The following ACSM4 variants were observed in gnomAD, a reference collection of about 807,000 sequenced individuals.
ACSM4 encodes acyl-CoA synthetase medium chain family member 4.
Under a neutral mutation model 73.0 loss-of-function variants are expected in ACSM4, and 66 were observed. The ratio of observed to expected loss-of-function variants is 0.90; its 90% CI spans 0.74 to 1.11. The LOEUF is 1.11. Among genes scored for constraint, ACSM4 ranks in the 50% least tolerant of loss-of-function variants. ACSM4 has a pLI of 0.00. For missense variants in ACSM4, 645 were observed against 714.4 expected (o/e 0.90, Z 1.11); for synonymous variants, 222 against 254.0 (o/e 0.87, Z 1.20).
intron 1 of ACSM4, among the ~76,000 whole-genome samples, chr12:7,305,574 C>CT (rs1946357283): frequency 6.6e-6 from 1 of 152,178 alleles, no homozygotes; most frequent in Non-Finnish European, 1.5e-5. Context: ...AGCTAAGCTA[C>CT]TTATCCAAGG....
At chr12:7,315,686 T>C (rs969077769) in intron 3 of ACSM4, among the ~76,000 whole-genome samples, 3 of 152,176 alleles carry the variant, frequency 2.0e-5, no homozygotes, top group Admixed American at 2.0e-4. Context: ...GTACCGGTTA[T>C]TCATCATTGA....
chr12:7,307,907 A>T (rs1424263312), intron 2 of ACSM4, among the ~76,000 whole-genome samples: 2 of 152,230 alleles, frequency 1.3e-5, no homozygotes, highest in Non-Finnish European at 2.9e-5. Context: ...TTTATAAGTC[A>T]ATTAAGAATA....
rs1327770439 is a variant in ACSM4 at position 7,304,364 on chromosome 12, A to AT, written c.35dup (p.Ile13HisfsTer25). 6 of 1,613,804 alleles carry AT rather than the reference A, an allele frequency of 3.7e-6. No individual in the cohort carries two copies. The highest frequency in any genetic ancestry group is 5.1e-6 in the Non-Finnish European group (6 of 1,179,846). ...TTTTTTTCCGCTACCAGACATTTAG[A>AT]TTCATCTGGCTCACCAAGCCACCTG... On this transcript the variant is annotated frameshift_variant, in exon 1 of 13. Transcript: ENST00000399422. LOFTEE classifies it high-confidence loss of function.
intron 7 of ACSM4, 102 bp downstream of exon 7, chr12:7,322,643 A>G (rs1244231257): frequency 5.6e-6 from 8 of 1,434,398 alleles, no homozygotes; most frequent in Non-Finnish European, 6.5e-6. Context: ...GTAAATTTTT[A>G]TAGAGTTTCC....
rs200480649 is a variant in ACSM4, at chr12:7,324,492, T to C, written c.1437-7T>C. 1 of 1,613,966 alleles carries C rather than the reference T, an allele frequency of 6.2e-7. No individual in the cohort carries two copies. The highest frequency in any genetic ancestry group is 1.3e-5 in the African/African-American group (1 of 75,052). ...TGTGGTGGTCAAAAACTTCTTTTCC[T>C]CTTCAGGTACCGTATTGGGCCATTT... On this transcript the variant is annotated splice_region_variant and splice_polypyrimidine_tract_variant and intron_variant, in intron 10 of 12. Coordinates refer to ENST00000399422, the MANE Select transcript of ACSM4 (RefSeq NM_001080454.2).
intron 2 of ACSM4, 148 bp downstream of exon 2, chr12:7,306,891 T>C: frequency 1.2e-6 from 1 of 804,608 alleles, no homozygotes; most frequent in Non-Finnish European, 1.9e-6. Flanking sequence ...CATGATATAA[T>C]AATAACAATA....
At chr12:7,319,419 G>A (rs773323835) in intron 5 of ACSM4, among the ~76,000 whole-genome samples, 4 of 151,816 alleles carry the variant, frequency 2.6e-5, no homozygotes, top group Non-Finnish European at 4.4e-5. Flanking sequence ...GTGAAACCTC[G>A]TCTCTACTAA....
chr12:7,320,794 G>T lies in ACSM4; in HGVS notation c.991G>T (p.Asp331Tyr). ...PTVYRMLVQKDLKRYKFKSLR... is the reference protein window; with the variant it reads ...PTVYRMLVQKYLKRYKFKSLR... ...TGTGTACCGGATGCTCGTGCAAAAAGACCTTAAGAGGTACTTGGGCAGAAA... is the reference window on the plus strand; with the variant it reads ...TGTGTACCGGATGCTCGTGCAAAAATACCTTAAGAGGTACTTGGGCAGAAA... The change falls in exon 6 of 13, where the codon GAC becomes TAC. Residue 331 changes from aspartate (D) to tyrosine (Y), a missense_variant. Coordinates refer to ENST00000399422, the MANE Select transcript of ACSM4 (RefSeq NM_001080454.2). 1.2e-6 allele frequency: 2 copies of T among 1,612,556 alleles called. No homozygotes were observed. The highest frequency in any genetic ancestry group is 8.5e-7 in the Non-Finnish European group (1 of 1,178,804).
intron 3 of ACSM4, among the ~76,000 whole-genome samples, chr12:7,314,018 A>G (rs745546802): frequency 3.2e-4 from 48 of 152,368 alleles, no homozygotes; most frequent in African/African-American, 1.1e-3. Context: ...AACTGGAATC[A>G]GAGAGGCCAT....
intron 11 of ACSM4, among the ~76,000 whole-genome samples, chr12:7,324,967 G>T (rs4883254): frequency 1 from 151,899 of 152,356 alleles, 75,724 homozygotes; most frequent in Middle Eastern, 1. Context: ...TATGGCTCCA[G>T]TTGATCAGAT....
chr12:7,322,895 G>A (rs1052800529), intron 7 of ACSM4, among the ~76,000 whole-genome samples: 5 of 152,138 alleles, frequency 3.3e-5, no homozygotes, highest in Admixed American at 2.0e-4. Context: ...GGAGTCCAAG[G>A]AGTGGTTTTC....
chr12:7,306,472 G>A lies in ACSM4; in HGVS notation c.202-61G>A, dbSNP rs760273464. 1.2e-5 allele frequency: 18 copies of A among 1,464,820 alleles called. No individual in the cohort carries two copies. In the South Asian group the frequency reaches 1.2e-4, roughly 10 times the overall value. The allele number at this position is 1,464,820 out of a possible 1,614,324, so 90.7% of individuals were successfully genotyped here. A position where few individuals can be genotyped will look rare whatever the true frequency, so the allele number is the denominator to read the frequency against. On this transcript the variant is annotated intron_variant, in intron 1 of 12. Coordinates refer to ENST00000399422, the MANE Select transcript of ACSM4 (RefSeq NM_001080454.2). The stretch of plus-strand genomic sequence containing the variant: ...CCAAAGGGGGAAAACAGCAGATGCC[G>A]CATGTAAGAGTAATCAGTCATGTAA...
At chr12:7,306,392 A>G in intron 1 of ACSM4, 141 bp from the exon 2 acceptor site, 2 of 745,018 alleles carry the variant, frequency 2.7e-6, no homozygotes, top group Non-Finnish European at 4.5e-6. Context: ...GGAGAGGGGC[A>G]GTTCCCTCAA....
At chr12:7,320,894 G>A (rs1227796939) in intron 6 of ACSM4, 90 bp downstream of exon 6, 2 of 1,157,268 alleles carry the variant, frequency 1.7e-6, no homozygotes, top group Middle Eastern at 3.8e-4. Context: ...GATAGCTCAG[G>A]CTTTCTCAGT....
In ACSM4 at chr12:7,304,513, A is replaced by G; in HGVS notation, c.182A>G (p.Gln61Arg). The change falls in exon 1 of 13, where the codon CAG (glutamine) becomes CGG (arginine). Residue 61 changes from glutamine to arginine, a missense_variant. Transcript: ENST00000399422. ...NFNFAADVLD[Q>R]WSQKEKTGER... Reference sequence around the variant, plus strand: ...AACTTTGCTGCAGATGTGCTGGACCAGTGGTCCCAAAAGGAGAAGGTATAT... The same window carrying G: ...AACTTTGCTGCAGATGTGCTGGACCGGTGGTCCCAAAAGGAGAAGGTATAT... 1 of 1,613,622 alleles carries G rather than the reference A, an allele frequency of 6.2e-7. No homozygotes were observed. The highest frequency in any genetic ancestry group is 8.5e-7 in the Non-Finnish European group (1 of 1,179,828).
intron 5 of ACSM4, among the ~76,000 whole-genome samples, chr12:7,320,015 T>C (rs1946447724): frequency 6.6e-6 from 1 of 152,206 alleles, no homozygotes; most frequent in Non-Finnish European, 1.5e-5. Context: ...TCAAACATCA[T>C]ACTTTATCTG....
rs755950044 is a variant in ACSM4, at chr12:7,317,184, C to A, written c.668C>A (p.Pro223Gln). The A allele has an allele frequency of 1.2e-5, 19 of 1,612,836 alleles. No homozygotes were observed. The highest frequency in any genetic ancestry group is 2.7e-5 in the African/African-American group (2 of 74,872). The change falls in exon 4 of 13, where the codon CCA becomes CAA. Residue 223 changes from proline to glutamine, a missense_variant. Pro to Gln is a moderately conservative substitution (Grantham distance 76). Coordinates refer to ENST00000399422, the MANE Select transcript of ACSM4 (RefSeq NM_001080454.2). ...HSCVETGSQE[P>Q]MTIYFTSGTT... is the part of the protein sequence containing the mutation. ...TGTGTGGAAACAGGAAGTCAAGAAC[C>A]AATGACCATTTATTTCACCAGTGGG... is the stretch of plus-strand genomic sequence containing the variant.
chr12:7,323,408 A>T (rs1591846378), intron 8 of ACSM4, 51 bp from the exon 9 acceptor site: 1 of 1,603,578 alleles, frequency 6.2e-7, no homozygotes, highest in Non-Finnish European at 8.5e-7. Context: ...AGCTGCTTTC[A>T]TTTTTGTGAA....
intron 2 of ACSM4, among the ~76,000 whole-genome samples, chr12:7,307,263 C>A (rs1447287680): frequency 6.6e-6 from 1 of 152,092 alleles, no homozygotes; most frequent in African/African-American, 2.4e-5. Flanking sequence ...CAAAAACAAA[C>A]AAACAAACAA....
Sources: gnomAD v4.1 joint callset for allele counts (sites outside exome capture counted in the v4.1 genomes callset) on GRCh38, gnomAD v4.1.1 for gene constraint, MANE v1.5 for transcripts, NCBI Gene and HGNC (gene_info 2026-07-23, HGNC 2026-07-21) for gene names.